PHKB: variants seen among roughly 807,000 people sequenced by gnomAD.
The protein encoded by PHKB is phosphorylase b kinase regulatory subunit beta.
Under a neutral mutation model 152.1 loss-of-function variants are expected in PHKB, and 122 were observed. That is an observed-to-expected ratio of 0.80 (90% CI 0.69 to 0.93). The LOEUF is 0.93. Ranked by LOEUF, PHKB falls within the 40% of genes least tolerant of loss-of-function variation. The pLI, the probability that PHKB is intolerant of heterozygous loss-of-function variation, is 0.00. For synonymous variants in PHKB, 436 were observed against 464.9 expected (o/e 0.94, Z 0.80); for missense variants, 1,304 against 1,328.4 (o/e 0.98, Z 0.29).
At chr16:47,658,255 C>T (rs920624759) in intron 20 of PHKB, among the ~76,000 whole-genome samples, 2 of 152,156 alleles carry the variant, frequency 1.3e-5, no homozygotes, top group Non-Finnish European at 2.9e-5. Context: ...GCCCTGTACA[C>T]TCTTCCTTCA....
At chr16:47,508,316 G>A (rs2151647818) in intron 4 of PHKB, among the ~76,000 whole-genome samples, 1 of 152,210 alleles carries the variant, frequency 6.6e-6, no homozygotes, top group East Asian at 1.9e-4. Flanking sequence ...CTTATTTACT[G>A]TCTTTTATAA....
intron 20 of PHKB, among the ~76,000 whole-genome samples, chr16:47,655,266 A>T (rs1973315201): frequency 6.6e-6 from 1 of 152,206 alleles, no homozygotes; most frequent in Non-Finnish European, 1.5e-5. Flanking sequence ...CAGTTAGAGT[A>T]TCACCTCACA....
Position 47,667,870 on chromosome 16 carries a change from C to G in PHKB, c.2428-1345C>G, listed in dbSNP as rs746915009. Among the ~76,000 whole-genome samples, 5 of 152,164 alleles carry G rather than the reference C, an allele frequency of 3.3e-5. No individual in the cohort carries two copies. The East Asian group carries it at 9.6e-4, about 29-fold the overall frequency. ...GGCTTGCAGCCTGTGGTCCTGAGAT[C>G]CTGCTCCTACATCCTGGAAGCCTCA... On this transcript the variant is annotated intron_variant, in intron 25 of 30. Transcript: ENST00000323584.
Position 47,580,344 on chromosome 16 carries a change from C to G in PHKB, c.760C>G (p.Leu254Val). The change falls in exon 8 of 31, where the codon CTT becomes GTT. Residue 254 changes from leucine to valine, a missense_variant. Coordinates refer to ENST00000323584, the MANE Select transcript of PHKB (RefSeq NM_000293.3). ...AALEAINGFN[L>V]FGNQGCSWSV... Reference sequence around the variant, plus strand: ...TCTAGAAGCAATTAATGGATTCAACCTTTTTGGCAACCAGGTAAAAAATAA... The same window carrying G: ...TCTAGAAGCAATTAATGGATTCAACGTTTTTGGCAACCAGGTAAAAAATAA... 1 of 1,611,364 alleles carries G rather than the reference C, an allele frequency of 6.2e-7. No individual in the cohort carries two copies. Among genetic ancestry groups the G allele is most frequent in the Middle Eastern group, 1.7e-4 (1 of 6,054 alleles).
At chr16:47,625,530 C>T (rs1972694549) in intron 14 of PHKB, among the ~76,000 whole-genome samples, 1 of 152,020 alleles carries the variant, frequency 6.6e-6, no homozygotes, top group Non-Finnish European at 1.5e-5. Flanking sequence ...GGTCTCTCCT[C>T]CTCAGGGCCT....
chr16:47,522,760 T>C (rs1970706446), intron 6 of PHKB, among the ~76,000 whole-genome samples: 1 of 151,882 alleles, frequency 6.6e-6, no homozygotes. Flanking sequence ...CTCAATGTGT[T>C]TTTTGATTTC....
intron 26 of PHKB, among the ~76,000 whole-genome samples, chr16:47,685,349 T>TG (rs1316299259): frequency 6.6e-6 from 1 of 152,032 alleles, no homozygotes; most frequent in Non-Finnish European, 1.5e-5. Context: ...CACTTTAACC[T>TG]GGGAGCCGGA....
chr16:47,593,263 A>AAG lies in PHKB; in HGVS notation c.1069-225_1069-224dup, dbSNP rs146578432. ...AGGGAGGGAGGAAGGGAAAGAAAGAAAGAGAGAGAGAGACAGAGATAGCCA... is the reference window on the plus strand; with the variant it reads ...AGGGAGGGAGGAAGGGAAAGAAAGAAAGAGAGAGAGAGAGACAGAGATAGCCA... On this transcript the variant is annotated intron_variant, in intron 10 of 30. Coordinates refer to ENST00000323584, the MANE Select transcript of PHKB (RefSeq NM_000293.3). 0.075 allele frequency among the ~76,000 whole-genome samples: 10,972 copies of AAG among 145,630 alleles called. 726 individuals carry two copies. Among genetic ancestry groups the AAG allele is most frequent in the African/African-American group, 0.18 (6,955 of 39,140 alleles).
At chr16:47,697,350 A>G (rs916039562) in intron 29 of PHKB, among the ~76,000 whole-genome samples, 3 of 152,270 alleles carry the variant, frequency 2.0e-5, no homozygotes, top group Admixed American at 1.3e-4. Flanking sequence ...GTATCAGCCA[A>G]TCATTTTCAC....
intron 4 of PHKB, among the ~76,000 whole-genome samples, chr16:47,508,292 C>T (rs1567284587): frequency 1.3e-5 from 2 of 152,156 alleles, no homozygotes; most frequent in Non-Finnish European, 2.9e-5. Context: ...TCTCAGTGTG[C>T]AGATACCTAT....
intron 26 of PHKB, among the ~76,000 whole-genome samples, chr16:47,674,279 C>T (rs1260966215): frequency 6.6e-6 from 1 of 151,964 alleles, no homozygotes; most frequent in African/African-American, 2.4e-5. Flanking sequence ...AGATTTTGCA[C>T]CTTTATTCAT....
At chr16:47,575,698 C>T (rs1971737631) in intron 7 of PHKB, among the ~76,000 whole-genome samples, 1 of 152,028 alleles carries the variant, frequency 6.6e-6, no homozygotes, top group African/African-American at 2.4e-5. Context: ...ACATTGGAGC[C>T]TGGAGAGGGT....
At position 47,499,748 on chromosome 16, in the gene PHKB, A is replaced by G. The variant is rs768712967; in HGVS notation, c.167-8A>G. On this transcript the variant is annotated splice_polypyrimidine_tract_variant and splice_region_variant and intron_variant, in intron 2 of 30. Coordinates refer to ENST00000323584, the MANE Select transcript of PHKB (RefSeq NM_000293.3). Reference sequence around the variant, plus strand: ...ACAGTTCATTCTTTGTCTTGTCCTCAATTGCAGTCAAGTCAACATTGCTGC... The same window carrying G: ...ACAGTTCATTCTTTGTCTTGTCCTCGATTGCAGTCAAGTCAACATTGCTGC... 9.3e-6 allele frequency: 15 copies of G among 1,613,994 alleles called. No homozygotes were observed. Among genetic ancestry groups the G allele is most frequent in the Non-Finnish European group, 1.3e-5 (15 of 1,179,930 alleles).
At chr16:47,555,462 G>GCAACAAATCACTATCTCCCAAA (rs1212446066) in intron 7 of PHKB, among the ~76,000 whole-genome samples, 2 of 152,208 alleles carry the variant, frequency 1.3e-5, no homozygotes, top group East Asian at 3.9e-4. Flanking sequence ...TTTGATTTAT[G>GCAACAAATCACTATCTCCCAAA]CAACAAATCA....
chr16:47,611,765 A>T (rs1159304348), intron 14 of PHKB, among the ~76,000 whole-genome samples: 1 of 152,078 alleles, frequency 6.6e-6, no homozygotes, highest in Non-Finnish European at 1.5e-5. Flanking sequence ...TGTTTCTCTG[A>T]CTCTTTTGCT....
intron 16 of PHKB, among the ~76,000 whole-genome samples, chr16:47,642,518 T>A (rs1973043128): frequency 6.6e-6 from 1 of 152,210 alleles, no homozygotes; most frequent in Non-Finnish European, 1.5e-5. Flanking sequence ...AAGAACAAAC[T>A]GCTCAGTGTT....
intron 1 of PHKB, 42 bp downstream of exon 1, chr16:47,461,468 G>A: frequency 1.2e-6 from 2 of 1,605,930 alleles, no homozygotes. Context: ...GAGTACCTTG[G>A]GTGGTGCTTC....
rs1971220033 is a variant in PHKB, at chr16:47,548,780, C to T, written c.710+1232C>T. ...GTGTAACCCTCAACAAGTTATGTGA[C>T]CTTTTTATGATTCAGTTTTCTCATC... On this transcript the variant is annotated intron_variant, in intron 7 of 30. Transcript: ENST00000323584. Among the ~76,000 whole-genome samples the T allele has an allele frequency of 3.3e-5, 5 of 152,114 alleles. No homozygotes were observed. The South Asian group carries it at 1.0e-3, about 32-fold the overall frequency.
chr16:47,579,629 C>A (rs1393498495), intron 7 of PHKB, among the ~76,000 whole-genome samples: 1 of 152,010 alleles, frequency 6.6e-6, no homozygotes, highest in Non-Finnish European at 1.5e-5. Flanking sequence ...AAGATGATAT[C>A]ATATTTTTAA....
Sources: gnomAD v4.1 joint callset for allele counts (sites outside exome capture counted in the v4.1 genomes callset) on GRCh38, gnomAD v4.1.1 for gene constraint, MANE v1.5 for transcripts, NCBI Gene and HGNC (gene_info 2026-07-23, HGNC 2026-07-21) for gene names.